The following PUS10 variants were observed in gnomAD, a reference collection of about 807,000 sequenced individuals.
The protein encoded by PUS10 is tRNA pseudouridine synthase Pus10.
PUS10 carries 59 observed loss-of-function variants against 75.0 expected under a neutral mutation model. The ratio of observed to expected loss-of-function variants is 0.79; its 90% CI spans 0.64 to 0.98. The LOEUF (loss-of-function observed/expected upper bound fraction) is 0.98, where lower values mean the gene tolerates loss of function less well. Ranked by LOEUF, PUS10 falls within the 50% of genes least tolerant of loss-of-function variation. The pLI, the probability that PUS10 is intolerant of heterozygous loss-of-function variation, is 0.00. For missense variants in PUS10, 650 were observed against 614.4 expected, an observed-to-expected ratio of 1.06 and a Z score of -0.61; for synonymous variants, 219 against 211.6, an observed-to-expected ratio of 1.03 and a Z score of -0.30.
chr2:61,017,598 A>T, intron 1 of PUS10: 3 of 581,976 alleles, frequency 5.2e-6, no homozygotes, highest in Non-Finnish European at 9.2e-6. Context: ...CTCCCGCTGT[A>T]TGGATTCAGC....
chr2:60,954,097 A>C lies in PUS10; in HGVS notation c.1119T>G (p.Ile373Met), dbSNP rs541454029. ...AGTGGTTTACCTGCTGAAGTTCCTT[A>C]ATTTCTTGTGAAGTGAAATGTACTC... ...PHRVHFTSQE[I>M]KELQQKINNS... The change falls in exon 13 of 18, where the codon ATT (isoleucine) becomes ATG (methionine). Residue 373 changes from isoleucine to methionine, a missense_variant. Physicochemically the swap from Ile to Met is conservative, Grantham distance 10. Coordinates refer to ENST00000316752, the MANE Select transcript of PUS10 (RefSeq NM_144709.4). 2 of 1,614,154 alleles carry C rather than the reference A, an allele frequency of 1.2e-6. No individual in the cohort carries two copies. The highest frequency in any genetic ancestry group is 4.5e-5 in the East Asian group (2 of 44,890).
At chr2:60,989,759 C>T (rs112059795) in intron 4 of PUS10, among the ~76,000 whole-genome samples, 1,798 of 152,200 alleles carry the variant, frequency 0.012, 43 homozygotes, top group African/African-American at 0.041. Context: ...GCTGGGACTA[C>T]AGGCACCCAC....
At chr2:60,942,500 T>G (rs1272684518) in intron 17 of PUS10, 67 bp from the exon 18 acceptor site, 2 of 1,248,946 alleles carry the variant, frequency 1.6e-6, no homozygotes, top group Admixed American at 1.7e-5. Flanking sequence ...CTGGTAATGC[T>G]GTATAAATTT....
chr2:61,016,617 G>T (rs1422794796), intron 1 of PUS10, among the ~76,000 whole-genome samples: 2 of 152,164 alleles, frequency 1.3e-5, no homozygotes, highest in Non-Finnish European at 2.9e-5. Flanking sequence ...CGCCTTTCAT[G>T]TGTCAGGCTC....
chr2:60,977,906 CAG>C (rs757694657), intron 4 of PUS10, among the ~76,000 whole-genome samples: 3 of 152,028 alleles, frequency 2.0e-5, no homozygotes, highest in Non-Finnish European at 4.4e-5. Context: ...ATTGAGAATG[CAG>C]AGATAAAAAA....
intron 4 of PUS10, among the ~76,000 whole-genome samples, chr2:61,002,639 A>G (rs1291973695): frequency 6.6e-6 from 1 of 152,208 alleles, no homozygotes; most frequent in Non-Finnish European, 1.5e-5. Context: ...GTGCAGGTAC[A>G]TAATTTCTTG....
intron 4 of PUS10, among the ~76,000 whole-genome samples, chr2:60,985,800 C>T (rs1677684025): frequency 6.6e-6 from 1 of 152,050 alleles, no homozygotes; most frequent in East Asian, 1.9e-4. Context: ...CTGCACCCGG[C>T]CTTTTCTCTT....
chr2:60,972,293 C>A (rs1205140162), intron 4 of PUS10, among the ~76,000 whole-genome samples: 1 of 150,594 alleles, frequency 6.6e-6, no homozygotes, highest in East Asian at 2.0e-4. Context: ...GAAACCCCGT[C>A]TCTACTGAAA....
At chr2:60,999,811 A>T (rs936877424) in intron 4 of PUS10, among the ~76,000 whole-genome samples, 11 of 152,246 alleles carry the variant, frequency 7.2e-5, no homozygotes, top group Admixed American at 2.6e-4. Flanking sequence ...GATAGAAAAC[A>T]TTTAGGGGGG....
At chr2:60,974,032 T>C (rs1052615580) in intron 4 of PUS10, among the ~76,000 whole-genome samples, 1 of 151,774 alleles carries the variant, frequency 6.6e-6, no homozygotes, top group Non-Finnish European at 1.5e-5. Context: ...ACGACCTGCC[T>C]GCAGAGAAGA....
chr2:60,947,828 C>CAAAAAAAAA (rs890632119), intron 16 of PUS10, among the ~76,000 whole-genome samples: 3 of 46,018 alleles, frequency 6.5e-5, no homozygotes, highest in South Asian at 7.5e-4. Flanking sequence ...GACTCTGCCT[C>CAAAAAAAAA]AAAAAAAAAA....
chr2:60,982,094 A>T (rs1677429914), intron 4 of PUS10, among the ~76,000 whole-genome samples: 3 of 151,900 alleles, frequency 2.0e-5, no homozygotes, highest in Admixed American at 6.5e-5. Context: ...TAAAAATAAT[A>T]AAAAAATAAA....
intron 5 of PUS10, among the ~76,000 whole-genome samples, chr2:60,969,031 A>T (rs1025035946): frequency 9.2e-5 from 14 of 152,242 alleles, no homozygotes; most frequent in African/African-American, 3.4e-4. Context: ...TTTAAAGAAT[A>T]AACGTTGAAA....
rs1264893146 is a variant in PUS10, at chr2:60,941,026, G to C, written c.*1369C>G. 6.6e-6 allele frequency: 1 copy of C among 152,192 alleles called. No individual in the cohort carries two copies. Among genetic ancestry groups the C allele is most frequent in the East Asian group, 1.9e-4 (1 of 5,338 alleles). The allele number at this position is 152,192 out of a possible 1,614,324, so 9.4% of individuals were successfully genotyped here. A position where few individuals can be genotyped will look rare whatever the true frequency, so the allele number is the denominator to read the frequency against. On this transcript the variant is annotated 3_prime_UTR_variant, in exon 18 of 18. Transcript: ENST00000316752. ...GTATCTGTGATTTATGTTTAATATAGAGATGGGAAATGGTTAGTAATCTAA... is the reference window on the plus strand; with the variant it reads ...GTATCTGTGATTTATGTTTAATATACAGATGGGAAATGGTTAGTAATCTAA...
intron 4 of PUS10, among the ~76,000 whole-genome samples, chr2:61,002,476 C>T (rs1342738447): frequency 6.6e-6 from 1 of 152,154 alleles, no homozygotes; most frequent in African/African-American, 2.4e-5. Flanking sequence ...CAGGATCTTA[C>T]TTTGTTCCAG....
At chr2:60,942,656 T>C (rs1008744393) in intron 17 of PUS10, among the ~76,000 whole-genome samples, 3 of 152,160 alleles carry the variant, frequency 2.0e-5, no homozygotes, top group African/African-American at 7.2e-5. Context: ...GGCTACTCAG[T>C]TGGTTATTAA....
intron 15 of PUS10, among the ~76,000 whole-genome samples, chr2:60,951,167 G>T (rs1186385375): frequency 6.6e-6 from 1 of 151,852 alleles, no homozygotes; most frequent in African/African-American, 2.4e-5. Flanking sequence ...CGTATCTTTT[G>T]CCATACAATT....
At chr2:60,976,514 T>C (rs1677041157) in intron 4 of PUS10, among the ~76,000 whole-genome samples, 1 of 152,224 alleles carries the variant, frequency 6.6e-6, no homozygotes, top group African/African-American at 2.4e-5. Context: ...TATCCCACCA[T>C]CCTCTAATTA....
At chr2:60,984,072 A>G (rs894262325) in intron 4 of PUS10, among the ~76,000 whole-genome samples, 2 of 152,172 alleles carry the variant, frequency 1.3e-5, no homozygotes, top group Non-Finnish European at 2.9e-5. Flanking sequence ...AGGAAAAACT[A>G]TAATATAATT....
Sources: allele counts gnomAD v4.1 joint callset (sites outside exome capture counted in the v4.1 genomes callset), GRCh38; gene constraint gnomAD v4.1.1; transcripts MANE v1.5; gene names NCBI Gene and HGNC (gene_info 2026-07-23, HGNC 2026-07-21).